CYP7B1: variants seen among roughly 807,000 people sequenced by gnomAD.
CYP7B1 encodes the protein cytochrome P450 7B1.
A neutral mutation model predicts 42.7 loss-of-function variants in CYP7B1; 29 were observed. The ratio of observed to expected loss-of-function variants is 0.68; its 90% CI spans 0.51 to 0.93. The LOEUF (loss-of-function observed/expected upper bound fraction) is 0.93, where lower values mean the gene tolerates loss of function less well. CYP7B1 is among the 40% of genes least tolerant of loss of function. The pLI, the probability that CYP7B1 is intolerant of heterozygous loss-of-function variation, is 0.00. For synonymous variants in CYP7B1, 235 were observed against 218.2 expected (o/e 1.08, Z -0.68); for missense variants, 655 against 600.5 (o/e 1.09, Z -0.95).
chr8:64,610,808 G>A (rs750072641), intron 4 of CYP7B1, among the ~76,000 whole-genome samples: 1 of 151,970 alleles, frequency 6.6e-6, no homozygotes, highest in African/African-American at 2.4e-5. Flanking sequence ...TGTCTGAGGC[G>A]ACAGTCATTA....
intron 1 of CYP7B1, among the ~76,000 whole-genome samples, chr8:64,647,302 T>TATA (rs1251004096): frequency 6.6e-6 from 1 of 151,982 alleles, no homozygotes; most frequent in Non-Finnish European, 1.5e-5. Context: ...CTGAAAAAGG[T>TATA]ATAATAATAA....
chr8:64,761,886 C>T (rs1188005240), intron 1 of CYP7B1, among the ~76,000 whole-genome samples: 1 of 152,148 alleles, frequency 6.6e-6, no homozygotes, highest in African/African-American at 2.4e-5. Context: ...TTAACAAGAC[C>T]TTGTGTGAAC....
intron 1 of CYP7B1, among the ~76,000 whole-genome samples, chr8:64,750,124 T>C (rs573965217): frequency 1.3e-5 from 2 of 152,318 alleles, no homozygotes; most frequent in Admixed American, 6.5e-5. Context: ...CTTTCTATGA[T>C]TGATTTTCCT....
intron 1 of CYP7B1, among the ~76,000 whole-genome samples, chr8:64,758,744 A>G (rs1807844414): frequency 6.6e-6 from 1 of 152,216 alleles, no homozygotes; most frequent in Non-Finnish European, 1.5e-5. Flanking sequence ...GATGTAATTC[A>G]TACCTCGATT....
intron 1 of CYP7B1, among the ~76,000 whole-genome samples, chr8:64,687,808 C>G (rs1006874422): frequency 2.0e-5 from 3 of 152,168 alleles, no homozygotes; most frequent in African/African-American, 7.2e-5. Context: ...GAAAACAGCT[C>G]CACCTCCTTT....
At chr8:64,666,408 T>C (rs1159784421) in intron 1 of CYP7B1, among the ~76,000 whole-genome samples, 6 of 152,190 alleles carry the variant, frequency 3.9e-5, no homozygotes, top group African/African-American at 7.2e-5. Context: ...TAGAATATTA[T>C]ATTTTAGGAA....
At chr8:64,634,002 G>A (rs982385012) in intron 1 of CYP7B1, among the ~76,000 whole-genome samples, 1 of 152,154 alleles carries the variant, frequency 6.6e-6, no homozygotes, top group Non-Finnish European at 1.5e-5. Context: ...AAAGAGAAAA[G>A]TCTGGTATAT....
At chr8:64,633,237 G>T (rs1401842351) in intron 1 of CYP7B1, among the ~76,000 whole-genome samples, 2 of 152,158 alleles carry the variant, frequency 1.3e-5, no homozygotes, top group African/African-American at 2.4e-5. Context: ...TGAGATAAGA[G>T]TATTTGAAAG....
At chr8:64,730,369 CAT>C (rs770936167) in intron 1 of CYP7B1, among the ~76,000 whole-genome samples, 27 of 152,126 alleles carry the variant, frequency 1.8e-4, no homozygotes, top group Non-Finnish European at 4.0e-4. Flanking sequence ...TGTGCCCAGT[CAT>C]CTTTGTTGTC....
At chr8:64,794,305 T>A (rs902321020) in intron 1 of CYP7B1, among the ~76,000 whole-genome samples, 1 of 152,156 alleles carries the variant, frequency 6.6e-6, no homozygotes, top group Non-Finnish European at 1.5e-5. Flanking sequence ...GCGGAAGGGA[T>A]CTGCTGGAAG....
At chr8:64,736,751 A>C (rs886178791) in intron 1 of CYP7B1, among the ~76,000 whole-genome samples, 1 of 152,010 alleles carries the variant, frequency 6.6e-6, no homozygotes, top group Non-Finnish European at 1.5e-5. Flanking sequence ...ACCTGGGCTG[A>C]ATTTTTTTTT....
At chr8:64,741,751 A>G (rs979516185) in intron 1 of CYP7B1, among the ~76,000 whole-genome samples, 1 of 152,262 alleles carries the variant, frequency 6.6e-6, no homozygotes, top group African/African-American at 2.4e-5. Flanking sequence ...TACCATTTAC[A>G]GTAGCACCAA....
intron 1 of CYP7B1, among the ~76,000 whole-genome samples, chr8:64,636,130 A>G (rs1372503526): frequency 6.6e-6 from 1 of 152,150 alleles, no homozygotes; most frequent in Non-Finnish European, 1.5e-5. Context: ...GCCTTTCTCT[A>G]TTAACTTAAC....
chr8:64,749,072 C>A (rs1027076464), intron 1 of CYP7B1, among the ~76,000 whole-genome samples: 11 of 151,524 alleles, frequency 7.3e-5, no homozygotes, highest in Admixed American at 5.9e-4. Flanking sequence ...TTTTTATTTT[C>A]TTTTTTTTCT....
At chr8:64,640,438 C>A (rs1329894871) in intron 1 of CYP7B1, among the ~76,000 whole-genome samples, 1 of 152,078 alleles carries the variant, frequency 6.6e-6, no homozygotes, top group East Asian at 1.9e-4. Context: ...GGCCTATCTA[C>A]AGAACTTAAA....
At chr8:64,775,584 G>C (rs1462032125) in intron 1 of CYP7B1, among the ~76,000 whole-genome samples, 2 of 152,052 alleles carry the variant, frequency 1.3e-5, no homozygotes, top group South Asian at 4.2e-4. Context: ...GTAAAAAATA[G>C]ACCTTGATTA....
intron 1 of CYP7B1, among the ~76,000 whole-genome samples, chr8:64,636,031 T>C (rs1400678379): frequency 6.6e-6 from 1 of 152,222 alleles, no homozygotes; most frequent in East Asian, 1.9e-4. Context: ...ATGGAAATAA[T>C]GTCAAGGTAG....
intron 4 of CYP7B1, among the ~76,000 whole-genome samples, chr8:64,606,388 T>C (rs990176522): frequency 6.6e-5 from 10 of 152,188 alleles, no homozygotes; most frequent in African/African-American, 2.4e-4. Flanking sequence ...GGAGCAACAA[T>C]AGCACAGCAT....
chr8:64,789,966 T>C (rs1804591675), intron 1 of CYP7B1, among the ~76,000 whole-genome samples: 1 of 152,180 alleles, frequency 6.6e-6, no homozygotes, highest in Admixed American at 6.5e-5. Flanking sequence ...TCAGAGAGAA[T>C]CCTTCCTTCA....
Sources: allele counts gnomAD v4.1 joint callset (sites outside exome capture counted in the v4.1 genomes callset), GRCh38; gene constraint gnomAD v4.1.1; transcripts MANE v1.5; gene names NCBI Gene and HGNC (gene_info 2026-07-23, HGNC 2026-07-21).